The following MARCHF1 variants were observed in gnomAD, a reference collection of about 807,000 sequenced individuals.
MARCHF1 encodes the protein membrane associated ring-CH-type finger 1, also known as E3 ubiquitin-protein ligase MARCHF1.
A neutral mutation model predicts 54.2 loss-of-function variants in MARCHF1; 40 were observed. The ratio of observed to expected loss-of-function variants is 0.74; its 90% CI spans 0.57 to 0.96. The LOEUF (loss-of-function observed/expected upper bound fraction) is 0.96, where lower values mean the gene tolerates loss of function less well. Among genes scored for constraint, MARCHF1 ranks in the 40% least tolerant of loss-of-function variants. The probability of loss-of-function intolerance (pLI) is 0.00; values close to 1 mark genes in which losing one functional copy is unlikely to be tolerated. For synonymous variants in MARCHF1, 236 were observed against 236.3 expected (o/e 1.00, Z 0.01); for missense variants, 586 against 656.5 (o/e 0.89, Z 1.17).
At chr4:163,893,746 T>TA in intron 3 of MARCHF1, among the ~76,000 whole-genome samples, 1 of 152,194 alleles carries the variant, frequency 6.6e-6, no homozygotes, top group Middle Eastern at 3.4e-3. Context: ...ATGCATAAAT[T>TA]AATAATAATG....
intron 4 of MARCHF1, among the ~76,000 whole-genome samples, chr4:163,758,117 C>T (rs1373401157): frequency 6.6e-6 from 1 of 151,940 alleles, no homozygotes; most frequent in Non-Finnish European, 1.5e-5. Flanking sequence ...CATTATTTTT[C>T]TCTTTCTAGA....
intron 1 of MARCHF1, among the ~76,000 whole-genome samples, chr4:164,305,038 C>T (rs1044850781): frequency 1.3e-5 from 2 of 152,094 alleles, no homozygotes; most frequent in African/African-American, 4.8e-5. Flanking sequence ...GTAAAAACCA[C>T]AAACACATTG....
intron 4 of MARCHF1, among the ~76,000 whole-genome samples, chr4:163,732,178 A>C (rs1745865133): frequency 6.6e-6 from 1 of 151,428 alleles, no homozygotes; most frequent in African/African-American, 2.4e-5. Flanking sequence ...TAATTATATT[A>C]TTAATATATA....
chr4:164,169,497 C>T (rs1730468918), intron 1 of MARCHF1, among the ~76,000 whole-genome samples: 1 of 151,984 alleles, frequency 6.6e-6, no homozygotes, highest in African/African-American at 2.4e-5. Context: ...CATCAAAATG[C>T]TGAGGGTTTT....
intron 1 of MARCHF1, among the ~76,000 whole-genome samples, chr4:164,345,369 C>T (rs1730059163): frequency 6.6e-6 from 1 of 152,030 alleles, no homozygotes; most frequent in South Asian, 2.1e-4. Flanking sequence ...CAGTTCAAGA[C>T]CAGCCTGGGG....
chr4:164,229,359 C>T (rs1306023442), intron 1 of MARCHF1, among the ~76,000 whole-genome samples: 1 of 152,180 alleles, frequency 6.6e-6, no homozygotes, highest in Non-Finnish European at 1.5e-5. Context: ...AAGTTAACTG[C>T]CCTCTCATAA....
At chr4:164,193,055 G>A (rs1316513761) in intron 1 of MARCHF1, among the ~76,000 whole-genome samples, 1 of 152,072 alleles carries the variant, frequency 6.6e-6, no homozygotes, top group Non-Finnish European at 1.5e-5. Context: ...CTCTAACTCT[G>A]CTTATTTTTA....
At chr4:164,150,595 T>C (rs1029155774) in intron 1 of MARCHF1, among the ~76,000 whole-genome samples, 14 of 152,200 alleles carry the variant, frequency 9.2e-5, no homozygotes, top group African/African-American at 3.4e-4. Context: ...GCTCTGGGTA[T>C]ACCTTGACCT....
At chr4:163,876,314 C>T (rs17474557) in intron 3 of MARCHF1, among the ~76,000 whole-genome samples, 30,320 of 152,016 alleles carry the variant, frequency 0.2, 3,453 homozygotes, top group South Asian at 0.3. Context: ...TTCTTTAGAC[C>T]TCCCATCCCC....
chr4:163,859,810 T>G (rs1477908030), intron 3 of MARCHF1, among the ~76,000 whole-genome samples: 1 of 152,130 alleles, frequency 6.6e-6, no homozygotes, highest in African/African-American at 2.4e-5. Flanking sequence ...TACTAAGAGA[T>G]GTAAGTGACC....
At position 163,622,044 on chromosome 4, in the gene MARCHF1, G is replaced by T. The variant is rs182598634; in HGVS notation, c.163-8651C>A. On this transcript the variant is annotated intron_variant, in intron 5 of 9. Transcript: ENST00000514618. ...TCCCTCCCACCCCCAGCCTGATGTG[G>T]GGTTAGAAAATCTAGACATCTTCTT... Among the ~76,000 whole-genome samples, 348 of 152,162 alleles carry T rather than the reference G, an allele frequency of 2.3e-3. 2 individuals are homozygous for T. Among genetic ancestry groups the T allele is most frequent in the African/African-American group, 7.8e-3 (324 of 41,520 alleles).
intron 4 of MARCHF1, among the ~76,000 whole-genome samples, chr4:163,776,285 G>C (rs1747301762): frequency 6.6e-6 from 1 of 151,788 alleles, no homozygotes; most frequent in Admixed American, 6.6e-5. Flanking sequence ...TTCAAATCCA[G>C]ACCTGCAACT....
In MARCHF1 at chr4:163,818,909, T is replaced by C. The variant is rs544348576; in HGVS notation, c.111+35112A>G. On this transcript the variant is annotated intron_variant, in intron 4 of 9. Coordinates refer to ENST00000514618, the MANE Select transcript of MARCHF1 (RefSeq NM_001394959.1). ...ATTACATTTACCACCTTCTCATTGT[T>C]AGCAGCAACTGACATCCTGCTCCCT... Among the ~76,000 whole-genome samples the C allele has an allele frequency of 2.2e-3, 329 of 152,236 alleles. 1 individual carries two copies. Among genetic ancestry groups the C allele is most frequent in the African/African-American group, 7.6e-3 (316 of 41,564 alleles).
intron 4 of MARCHF1, among the ~76,000 whole-genome samples, chr4:163,739,687 TTTCTC>T (rs746796729): frequency 2.0e-5 from 3 of 152,168 alleles, no homozygotes; most frequent in Non-Finnish European, 4.4e-5. Flanking sequence ...AGGAAATAAT[TTTCTC>T]TTAGGAAAAA....
intron 1 of MARCHF1, among the ~76,000 whole-genome samples, chr4:164,292,224 A>G (rs1002481147): frequency 1.3e-5 from 2 of 152,170 alleles, no homozygotes; most frequent in African/African-American, 4.8e-5. Context: ...TTACCAACTC[A>G]TCTTGAAAAA....
At chr4:164,106,172 T>C (rs899278741) in intron 2 of MARCHF1, among the ~76,000 whole-genome samples, 3 of 146,148 alleles carry the variant, frequency 2.1e-5, no homozygotes, top group Admixed American at 6.7e-5. Context: ...TTGGTGGGAA[T>C]GTAAACTAGT....
chr4:163,915,243 GA>G (rs1303706588), intron 3 of MARCHF1, among the ~76,000 whole-genome samples: 1 of 151,890 alleles, frequency 6.6e-6, no homozygotes, highest in Non-Finnish European at 1.5e-5. Flanking sequence ...ATGAGAGAAA[GA>G]AAAAAATTCT....
chr4:164,197,052 A>G (rs749603150), intron 1 of MARCHF1: 4 of 1,605,718 alleles, frequency 2.5e-6, no homozygotes, highest in Non-Finnish European at 3.4e-6. Context: ...GCTCTTCTTC[A>G]TCTTCCTCGC....
chr4:163,732,055 A>G (rs1357110821), intron 4 of MARCHF1, among the ~76,000 whole-genome samples: 1 of 152,178 alleles, frequency 6.6e-6, no homozygotes, highest in Non-Finnish European at 1.5e-5. Flanking sequence ...AGGTATGCAA[A>G]GAAGTAGGAA....
Sources: allele counts gnomAD v4.1 joint callset (sites outside exome capture counted in the v4.1 genomes callset), GRCh38; gene constraint gnomAD v4.1.1; transcripts MANE v1.5; gene names NCBI Gene and HGNC (gene_info 2026-07-23, HGNC 2026-07-21).